The following GABRB1 variants were observed in gnomAD, a reference collection of about 807,000 sequenced individuals.
GABRB1 encodes the protein gamma-aminobutyric acid type A receptor subunit beta1.
In GABRB1, 17 loss-of-function variants were observed where a neutral mutation model predicts 51.6. The ratio of observed to expected loss-of-function variants is 0.33; its 90% CI spans 0.23 to 0.49. The LOEUF is 0.49. Among genes scored for constraint, GABRB1 ranks in the 20% least tolerant of loss-of-function variants. The probability of loss-of-function intolerance (pLI) is 0.99; values close to 1 mark genes in which losing one functional copy is unlikely to be tolerated. For synonymous variants in GABRB1, 247 were observed against 218.9 expected, an observed-to-expected ratio of 1.13 and a Z score of -1.14; for missense variants, 410 against 600.6, an observed-to-expected ratio of 0.68 and a Z score of 3.32.
chr4:47,212,881 C>T (rs566269656), intron 4 of GABRB1, among the ~76,000 whole-genome samples: 7 of 152,252 alleles, frequency 4.6e-5, no homozygotes, highest in African/African-American at 1.7e-4. Context: ...TGGCAAAAGA[C>T]TTAAGTGTAA....
chr4:47,187,900 A>G (rs1490247758), intron 4 of GABRB1, among the ~76,000 whole-genome samples: 7 of 151,962 alleles, frequency 4.6e-5, no homozygotes, highest in African/African-American at 1.7e-4. Context: ...CTCTTTCTCC[A>G]GATATCCACA....
At chr4:47,118,738 A>G (rs571626869) in intron 3 of GABRB1, among the ~76,000 whole-genome samples, 135 of 152,280 alleles carry the variant, frequency 8.9e-4, no homozygotes, top group African/African-American at 3.1e-3. Context: ...TCAAGCATGC[A>G]TACATATATA....
chr4:47,160,814 T>C (rs180981590), intron 3 of GABRB1, among the ~76,000 whole-genome samples: 67 of 151,960 alleles, frequency 4.4e-4, no homozygotes, highest in African/African-American at 1.6e-3. Context: ...AGAGACAAGG[T>C]ATTGCTCCAT....
intron 5 of GABRB1, among the ~76,000 whole-genome samples, chr4:47,388,969 G>A (rs1727891747): frequency 1.3e-5 from 2 of 151,676 alleles, no homozygotes; most frequent in Non-Finnish European, 3.0e-5. Context: ...ACTTATGATA[G>A]AACATGTTTT....
At chr4:47,286,834 T>G (rs1723530089) in intron 4 of GABRB1, among the ~76,000 whole-genome samples, 1 of 152,182 alleles carries the variant, frequency 6.6e-6, no homozygotes, top group Non-Finnish European at 1.5e-5. Context: ...CAAACAAGAA[T>G]GTTACTTACA....
At position 47,169,053 on chromosome 4, in the gene GABRB1, G is replaced by A. The variant is rs1353923669; in HGVS notation, c.461+7584G>A. On this transcript the variant is annotated intron_variant, in intron 4 of 8. Coordinates refer to ENST00000295454, the MANE Select transcript of GABRB1 (RefSeq NM_000812.4). ...ACTTCAACTTGATTACCCCTCTAAAGACTCTATTTTCAAATAAGGTCATAT... is the reference window on the plus strand; with the variant it reads ...ACTTCAACTTGATTACCCCTCTAAAAACTCTATTTTCAAATAAGGTCATAT... Among the ~76,000 whole-genome samples, 5 of 152,138 alleles carry A rather than the reference G, an allele frequency of 3.3e-5. No individual in the cohort carries two copies. The East Asian group carries it at 9.7e-4, about 30-fold the overall frequency.
At chr4:47,113,432 T>C (rs1250324642) in intron 3 of GABRB1, among the ~76,000 whole-genome samples, 1 of 151,100 alleles carries the variant, frequency 6.6e-6, no homozygotes, top group Non-Finnish European at 1.5e-5. Context: ...CATAATGTGT[T>C]AAGTGAAATA....
chr4:47,001,340 C>A (rs1052670372), intron 1 of GABRB1, among the ~76,000 whole-genome samples: 1 of 151,994 alleles, frequency 6.6e-6, no homozygotes, highest in African/African-American at 2.4e-5. Flanking sequence ...GATGTGGTTT[C>A]ACCGTGTTAG....
At chr4:47,221,668 T>C (rs1720768281) in intron 4 of GABRB1, among the ~76,000 whole-genome samples, 1 of 152,008 alleles carries the variant, frequency 6.6e-6, no homozygotes, top group Admixed American at 6.6e-5. Flanking sequence ...CTATTGCTCT[T>C]AGAAAAAATG....
At chr4:47,404,856 T>C (rs1282761229) in intron 7 of GABRB1, among the ~76,000 whole-genome samples, 1 of 152,208 alleles carries the variant, frequency 6.6e-6, no homozygotes, top group Non-Finnish European at 1.5e-5. Context: ...GAATAATAAC[T>C]AGTAAGTTTA....
intron 4 of GABRB1, among the ~76,000 whole-genome samples, chr4:47,200,059 C>A (rs545225532): frequency 5.3e-5 from 8 of 152,170 alleles, no homozygotes; most frequent in African/African-American, 1.7e-4. Context: ...AGAGAGCTGT[C>A]AATGTATATA....
chr4:47,135,053 A>G (rs1344914105), intron 3 of GABRB1, among the ~76,000 whole-genome samples: 3 of 152,164 alleles, frequency 2.0e-5, no homozygotes, highest in Non-Finnish European at 4.4e-5. Context: ...TCAGGAGTTC[A>G]AGGCTGCAGT....
chr4:47,331,594 G>A (rs977891063), intron 5 of GABRB1, among the ~76,000 whole-genome samples: 9 of 152,040 alleles, frequency 5.9e-5, no homozygotes, highest in African/African-American at 2.2e-4. Context: ...AAGAGGAAGT[G>A]TAAAATAAAG....
At chr4:47,236,295 C>T (rs1447551770) in intron 4 of GABRB1, among the ~76,000 whole-genome samples, 4 of 152,018 alleles carry the variant, frequency 2.6e-5, no homozygotes, top group Non-Finnish European at 5.9e-5. Flanking sequence ...AGAGTGGACA[C>T]TTGCCCTGCC....
chr4:47,353,104 T>A (rs542102884), intron 5 of GABRB1, among the ~76,000 whole-genome samples: 1 of 152,208 alleles, frequency 6.6e-6, no homozygotes, highest in Non-Finnish European at 1.5e-5. Flanking sequence ...GATAAAACCA[T>A]CAGATCTCAT....
chr4:47,245,394 G>GA (rs1721701406), intron 4 of GABRB1, among the ~76,000 whole-genome samples: 1 of 152,148 alleles, frequency 6.6e-6, no homozygotes, highest in African/African-American at 2.4e-5. Context: ...AAGAGTAGGG[G>GA]ATACCAATGT....
chr4:47,368,435 G>A (rs115449296), intron 5 of GABRB1, among the ~76,000 whole-genome samples: 1,636 of 152,236 alleles, frequency 0.011, 28 homozygotes, highest in African/African-American at 0.037. Flanking sequence ...TAACAGGGGA[G>A]GGGAGGTGCT....
At chr4:47,417,046 G>T (rs1273024277) in intron 8 of GABRB1, among the ~76,000 whole-genome samples, 4 of 152,160 alleles carry the variant, frequency 2.6e-5, no homozygotes, top group African/African-American at 9.7e-5. Context: ...ATAAGGAAAA[G>T]AAACGAATCC....
At chr4:47,052,200 A>G (rs1027869974) in intron 3 of GABRB1, among the ~76,000 whole-genome samples, 5 of 152,180 alleles carry the variant, frequency 3.3e-5, no homozygotes, top group Admixed American at 3.3e-4. Context: ...GTGCCTTGTA[A>G]TTGCTGAAGA....
Sources: gnomAD v4.1 joint callset for allele counts (sites outside exome capture counted in the v4.1 genomes callset) on GRCh38, gnomAD v4.1.1 for gene constraint, MANE v1.5 for transcripts, NCBI Gene and HGNC (gene_info 2026-07-23, HGNC 2026-07-21) for gene names.